Variants in FGD4 observed in about 807,000 individuals in gnomAD.
FGD4 encodes the protein FYVE, RhoGEF and PH domain-containing protein 4.
A neutral mutation model predicts 102.0 loss-of-function variants in FGD4; 42 were observed. The observed-to-expected ratio is 0.41, with a 90% CI of 0.32 to 0.53. The LOEUF (loss-of-function observed/expected upper bound fraction) is 0.53, where lower values mean the gene tolerates loss of function less well. Ranked by LOEUF, FGD4 falls within the 20% of genes least tolerant of loss-of-function variation. The pLI is 0.21. For synonymous variants in FGD4, 380 were observed against 375.7 expected (o/e 1.01, Z -0.13); for missense variants, 902 against 1,078.2 (o/e 0.84, Z 2.29).
chr12:32,402,533 G>A (rs1591833533), intron 1 of FGD4, among the ~76,000 whole-genome samples: 1 of 151,792 alleles, frequency 6.6e-6, no homozygotes, highest in East Asian at 1.9e-4. Flanking sequence ...CTATAGCTTC[G>A]AACTCATGGG....
intron 3 of FGD4, among the ~76,000 whole-genome samples, chr12:32,577,942 T>C (rs1216664449): frequency 1.3e-5 from 2 of 152,136 alleles, no homozygotes; most frequent in African/African-American, 2.4e-5. Flanking sequence ...AAAGGGTCAG[T>C]ATTCCAAAGG....
At chr12:32,519,408 T>G (rs952919953) in intron 1 of FGD4, among the ~76,000 whole-genome samples, 1 of 152,232 alleles carries the variant, frequency 6.6e-6, no homozygotes, top group African/African-American at 2.4e-5. Flanking sequence ...CTACAATGGA[T>G]GTATCTTTTA....
At chr12:32,605,664 T>C (rs1948730949) in intron 7 of FGD4, among the ~76,000 whole-genome samples, 1 of 152,234 alleles carries the variant, frequency 6.6e-6, no homozygotes, top group Admixed American at 6.5e-5. Context: ...TTTTTCCATC[T>C]GACTTTTTAG....
At chr12:32,486,529 CTTCT>C (rs1238038967) in intron 1 of FGD4, among the ~76,000 whole-genome samples, 10 of 152,102 alleles carry the variant, frequency 6.6e-5, no homozygotes, top group Admixed American at 1.3e-4. Flanking sequence ...TTTCACTTGT[CTTCT>C]TTCTATTTCT....
At chr12:32,452,309 A>T (rs1397533448) in intron 1 of FGD4, among the ~76,000 whole-genome samples, 1 of 152,232 alleles carries the variant, frequency 6.6e-6, no homozygotes, top group East Asian at 1.9e-4. Context: ...TACCAGACAG[A>T]ATTCAGATAT....
chr12:32,643,162 T>C lies in FGD4; in HGVS notation c.*2629T>C, dbSNP rs1275632970. On this transcript the variant is annotated 3_prime_UTR_variant, in exon 17 of 17. Transcript: ENST00000534526. ...TTTTAAGCTTAAATTTTGCTTTTGC[T>C]GAAAGCCTACCATTTGGCGTGTTAA... 1.3e-5 allele frequency: 2 copies of C among 152,568 alleles called. No individual in the cohort carries two copies. The highest frequency in any genetic ancestry group is 2.9e-5 in the Non-Finnish European group (2 of 67,956). 9.5% of individuals were successfully genotyped at this position (152,568 alleles called of 1,614,324 possible). A position where few individuals can be genotyped will look rare whatever the true frequency, so the allele number is the denominator to read the frequency against.
chr12:32,529,347 G>T (rs924766946), intron 1 of FGD4, among the ~76,000 whole-genome samples: 1 of 151,710 alleles, frequency 6.6e-6, no homozygotes, highest in Admixed American at 6.6e-5. Context: ...CGATGGTCTC[G>T]ATCTCTTAAC....
chr12:32,531,835 A>G (rs1024663549), intron 1 of FGD4, among the ~76,000 whole-genome samples: 7 of 152,212 alleles, frequency 4.6e-5, no homozygotes, highest in Non-Finnish European at 7.3e-5. Flanking sequence ...AGAAACTGCT[A>G]TTGCTCCTAT....
At chr12:32,597,582 G>A (rs946837711) in intron 4 of FGD4, among the ~76,000 whole-genome samples, 6 of 152,156 alleles carry the variant, frequency 3.9e-5, no homozygotes, top group Admixed American at 1.3e-4. Flanking sequence ...CGGCAATATT[G>A]TATTGAATAC....
chr12:32,486,572 T>C (rs149799368), intron 1 of FGD4, among the ~76,000 whole-genome samples: 1,569 of 152,342 alleles, frequency 0.01, 20 homozygotes, highest in African/African-American at 0.035. Flanking sequence ...TTTAGCCAGT[T>C]TCTTAAAACT....
In FGD4 at chr12:32,426,669, G is replaced by A. The variant is rs144590506; in HGVS notation, c.166+26710G>A. Among the ~76,000 whole-genome samples the A allele has an allele frequency of 2.8e-3, 433 of 152,180 alleles. 4 individuals are homozygous for A. The highest frequency in any genetic ancestry group is 9.9e-3 in the African/African-American group (412 of 41,534). ...AGCTCCTCTTTGTACCTCTGGTAGA[G>A]TTCAGCTGTGACTCTGTCTGGTCCT... On this transcript the variant is annotated intron_variant, in intron 1 of 16. Coordinates refer to ENST00000534526, the MANE Select transcript of FGD4 (RefSeq NM_001370298.3).
chr12:32,610,743 A>G (rs375634896), intron 8 of FGD4, 33 bp from the exon 9 acceptor site: 7 of 1,587,114 alleles, frequency 4.4e-6, no homozygotes, highest in African/African-American at 1.3e-5. Context: ...AGGACAAAGC[A>G]TATTTATTTA....
chr12:32,635,524 G>A (rs149224730), intron 15 of FGD4, among the ~76,000 whole-genome samples: 2,050 of 152,196 alleles, frequency 0.013, 33 homozygotes, highest in Non-Finnish European at 0.015. Flanking sequence ...GACTGATTTT[G>A]TACCAACTAG....
intron 4 of FGD4, among the ~76,000 whole-genome samples, chr12:32,592,840 C>T (rs1245779644): frequency 2.0e-5 from 3 of 152,050 alleles, no homozygotes; most frequent in Admixed American, 2.0e-4. Flanking sequence ...AAAAGTATCT[C>T]TTTAATAGAA....
intron 1 of FGD4, among the ~76,000 whole-genome samples, chr12:32,405,876 T>G (rs1053455046): frequency 1.3e-5 from 2 of 152,118 alleles, no homozygotes; most frequent in African/African-American, 4.8e-5. Flanking sequence ...AATCTCTTTT[T>G]TTTTTCAAAT....
At chr12:32,407,537 T>C (rs1449068329) in intron 1 of FGD4, among the ~76,000 whole-genome samples, 1 of 152,178 alleles carries the variant, frequency 6.6e-6, no homozygotes, top group African/African-American at 2.4e-5. Flanking sequence ...TGAGGACAGG[T>C]TGCCGAGATT....
At chr12:32,503,880 A>G (rs1488897235) in intron 1 of FGD4, among the ~76,000 whole-genome samples, 2 of 152,204 alleles carry the variant, frequency 1.3e-5, no homozygotes, top group East Asian at 3.8e-4. Context: ...CCATTATCTT[A>G]GAATCCAGAA....
intron 1 of FGD4, among the ~76,000 whole-genome samples, chr12:32,429,055 G>GT (rs1300720377): frequency 6.6e-6 from 1 of 152,144 alleles, no homozygotes; most frequent in Non-Finnish European, 1.5e-5. Context: ...TTTCCATCCA[G>GT]TTTTATTCCC....
chr12:32,549,464 G>C (rs540619031), intron 1 of FGD4, among the ~76,000 whole-genome samples: 1 of 152,186 alleles, frequency 6.6e-6, no homozygotes, highest in South Asian at 2.1e-4. Context: ...GCTGATATTT[G>C]TTGCTGCTAT....
Sources: gnomAD v4.1 joint callset for allele counts (sites outside exome capture counted in the v4.1 genomes callset) on GRCh38, gnomAD v4.1.1 for gene constraint, MANE v1.5 for transcripts, NCBI Gene and HGNC (gene_info 2026-07-23, HGNC 2026-07-21) for gene names.